MYLK3: variants seen among roughly 807,000 people sequenced by gnomAD.
The protein encoded by MYLK3 is MLC kinase.
A neutral mutation model predicts 76.3 loss-of-function variants in MYLK3; 55 were observed. That is an observed-to-expected ratio of 0.72 (90% CI 0.58 to 0.90). The LOEUF (loss-of-function observed/expected upper bound fraction) is 0.90. Among genes scored for constraint, MYLK3 ranks in the 40% least tolerant of loss-of-function variants. The pLI, the probability that MYLK3 is intolerant of heterozygous loss-of-function variation, is 0.00. For synonymous variants in MYLK3, 416 were observed against 425.4 expected (o/e 0.98, Z 0.27); for missense variants, 973 against 1,053.6 (o/e 0.92, Z 1.06).
At chr16:46,708,739 T>C (rs912229611) in intron 12 of MYLK3, among the ~76,000 whole-genome samples, 1 of 152,238 alleles carries the variant, frequency 6.6e-6, no homozygotes, top group Admixed American at 6.5e-5. Context: ...TCTAAGTCCA[T>C]ATTAAATTGT....
intron 8 of MYLK3, among the ~76,000 whole-genome samples, chr16:46,722,807 T>G (rs1054895670): frequency 2.6e-5 from 4 of 152,190 alleles, no homozygotes; most frequent in African/African-American, 9.7e-5. Flanking sequence ...CCTCCCAGGT[T>G]CAAGTGATTC....
At position 46,710,793 on chromosome 16, in the gene MYLK3, T is replaced by C. The variant is rs1966675949; in HGVS notation, c.2115-4A>G. Reference sequence around the variant, plus strand: ...AAATGGGGACAAGCCACTGAGTCTATAGAAGAGAGAAAGGACCATCAGTAG... The same window carrying C: ...AAATGGGGACAAGCCACTGAGTCTACAGAAGAGAGAAAGGACCATCAGTAG... On this transcript the variant is annotated splice_polypyrimidine_tract_variant and splice_region_variant and intron_variant, in intron 10 of 12. Transcript: ENST00000394809. 1.2e-6 allele frequency: 2 copies of C among 1,614,028 alleles called. No homozygotes were observed. Among genetic ancestry groups the C allele is most frequent in the Non-Finnish European group, 1.7e-6 (2 of 1,180,020 alleles).
At position 46,719,762 on chromosome 16, in the gene MYLK3, A is replaced by G. The variant is rs929869829; in HGVS notation, c.1985+1361T>C. ...AGGAAATGACCAGTTTAAATACAAA[A>G]AGTGAGTATGTGACAGTGTTGGGTG... On this transcript the variant is annotated intron_variant, in intron 9 of 12. Coordinates refer to ENST00000394809, the MANE Select transcript of MYLK3 (RefSeq NM_182493.3). 5.3e-5 allele frequency among the ~76,000 whole-genome samples: 8 copies of G among 152,246 alleles called. No individual in the cohort carries two copies. In the South Asian group the frequency reaches 1.2e-3, roughly 24 times the overall value.
At chr16:46,726,580 GGAGAGAGGAGAGAAGA>G (rs1966840756) in intron 8 of MYLK3, 2 of 149,004 alleles carry the variant, frequency 1.3e-5, no homozygotes, top group African/African-American at 4.9e-5. Context: ...AAGAAAGAGA[GGAGAGAGGAGAGAAGA>G]GAGAGAGAGA....
chr16:46,740,395 C>T (rs1966909690), intron 1 of MYLK3, among the ~76,000 whole-genome samples: 2 of 151,790 alleles, frequency 1.3e-5, no homozygotes, highest in Non-Finnish European at 2.9e-5. Flanking sequence ...ACCTCCTTTT[C>T]CAGGGCTTCA....
chr16:46,743,256 A>G (rs539817167), intron 1 of MYLK3, among the ~76,000 whole-genome samples: 2 of 152,352 alleles, frequency 1.3e-5, no homozygotes, highest in South Asian at 4.1e-4. Flanking sequence ...AGGACCTTCA[A>G]AAAGTCCTGG....
At chr16:46,721,073 C>A (rs116038191) in intron 9 of MYLK3, 50 bp downstream of exon 9, 1 of 1,536,776 alleles carries the variant, frequency 6.5e-7, no homozygotes, top group Admixed American at 1.7e-5. Flanking sequence ...CAGAGAGCCA[C>A]AAAGAGTCCC....
intron 8 of MYLK3, 49 bp from the exon 9 acceptor site, chr16:46,721,242 T>C: frequency 6.5e-7 from 1 of 1,546,344 alleles, no homozygotes; most frequent in Non-Finnish European, 8.9e-7. Flanking sequence ...TGAGGAGGTC[T>C]GCAGCTGCCA....
intron 1 of MYLK3, among the ~76,000 whole-genome samples, chr16:46,755,030 G>C (rs892796777): frequency 8.6e-5 from 13 of 152,012 alleles, no homozygotes; most frequent in African/African-American, 3.1e-4. Context: ...CAAGTAGCCA[G>C]GACTATGGGC....
intron 8 of MYLK3, among the ~76,000 whole-genome samples, chr16:46,722,134 C>A (rs568356204): frequency 1.3e-5 from 2 of 151,964 alleles, no homozygotes; most frequent in South Asian, 4.2e-4. Flanking sequence ...ATGCTCGCTG[C>A]TCATGCATGA....
At chr16:46,749,752 C>T (rs942038074), upstream of MYLK3, among the ~76,000 whole-genome samples, 4 of 152,180 alleles carry the variant, frequency 2.6e-5, no homozygotes, top group African/African-American at 4.8e-5. Flanking sequence ...AATAAATACA[C>T]GAAAGCACCA....
chr16:46,711,633 C>A (rs1056090197), intron 10 of MYLK3: 1 of 441,790 alleles, frequency 2.3e-6, no homozygotes, highest in Non-Finnish European at 4.5e-6. Flanking sequence ...GCCACAGCTT[C>A]CCAAAGTGCT....
rs777742243 is a variant in MYLK3, at chr16:46,721,204, A to T, written c.1915-11T>A. ...CAATATGTTCTCCGGCTGGGAAAGA[A>T]AGAAGTCTGCTTAGCCCAAGCAATA... On this transcript the variant is annotated splice_polypyrimidine_tract_variant and intron_variant, in intron 8 of 12. Transcript: ENST00000394809. 3.7e-6 allele frequency: 6 copies of T among 1,614,062 alleles called. No homozygotes were observed. The highest frequency in any genetic ancestry group is 5.1e-6 in the Non-Finnish European group (6 of 1,179,876).
At chr16:46,718,425 C>T (rs1966767103) in intron 9 of MYLK3, among the ~76,000 whole-genome samples, 1 of 152,182 alleles carries the variant, frequency 6.6e-6, no homozygotes, top group Non-Finnish European at 1.5e-5. Context: ...ACTAGCAGCA[C>T]ATGGGGCACT....
At chr16:46,708,500 G>T (rs1445979047) in intron 12 of MYLK3, among the ~76,000 whole-genome samples, 1 of 151,962 alleles carries the variant, frequency 6.6e-6, no homozygotes, top group Non-Finnish European at 1.5e-5. Flanking sequence ...TGTCACCCAG[G>T]CTAGAGTACA....
In MYLK3 at chr16:46,732,647, C is replaced by T; in HGVS notation, c.1023G>A (p.Glu341=). 1 of 1,534,082 alleles carries T rather than the reference C, an allele frequency of 6.5e-7. No homozygotes were observed. The highest frequency in any genetic ancestry group is 8.7e-7 in the Non-Finnish European group (1 of 1,147,382). ...TPPRISIHIQ[E]MDTPGEMLMT... is the part of the protein sequence containing the mutation. ...TCAGCATCTCCCCAGGAGTATCCATCTCTTGTATGTGGATGGAGATCCTGG... is the reference window on the plus strand; with the variant it reads ...TCAGCATCTCCCCAGGAGTATCCATTTCTTGTATGTGGATGGAGATCCTGG... The change falls in exon 4 of 13, where the codon GAG becomes GAA. Residue 341 remains glutamate (E), a synonymous_variant. Transcript: ENST00000394809.
chr16:46,748,567 G>A (rs549369225), upstream of MYLK3, among the ~76,000 whole-genome samples: 1 of 152,298 alleles, frequency 6.6e-6, no homozygotes, highest in Admixed American at 6.5e-5. The surrounding 1 kb of genome is among the most constrained non-coding windows in gnomAD (Gnocchi z 4.3). Context: ...ATGGTTCGGA[G>A]GAAAGGAAAG....
chr16:46,740,249 T>A, intron 1 of MYLK3, 102 bp from the exon 2 acceptor site: 6 of 846,746 alleles, frequency 7.1e-6, no homozygotes, highest in Non-Finnish European at 1.2e-5. Context: ...ATAAGGGCAT[T>A]TAGATTACTT....
chr16:46,743,137 A>G (rs929742534), intron 1 of MYLK3, among the ~76,000 whole-genome samples: 10 of 152,102 alleles, frequency 6.6e-5, no homozygotes, highest in African/African-American at 2.4e-4. Flanking sequence ...GCCTCTGAAC[A>G]CATATGCCTG....
Sources: allele counts gnomAD v4.1 joint callset (sites outside exome capture counted in the v4.1 genomes callset), GRCh38; gene constraint gnomAD v4.1.1; non-coding constraint Gnocchi (gnomAD v3.1); transcripts MANE v1.5; gene names NCBI Gene and HGNC (gene_info 2026-07-23, HGNC 2026-07-21).